The following TYW1 variants were observed in gnomAD, a reference collection of about 807,000 sequenced individuals.
TYW1 encodes S-adenosyl-L-methionine-dependent tRNA 4-demethylwyosine synthase TYW1.
A neutral mutation model predicts 96.2 loss-of-function variants in TYW1; 46 were observed. The observed-to-expected ratio is 0.48, with a 90% confidence interval of 0.38 to 0.61. TYW1 has a LOEUF of 0.61. TYW1 is among the 20% of genes least tolerant of loss of function. TYW1 has a pLI of 0.00. For missense variants in TYW1, 684 were observed against 909.6 expected (o/e 0.75, Z 3.19); for synonymous variants, 274 against 323.0 (o/e 0.85, Z 1.63).
intron 13 of TYW1, among the ~76,000 whole-genome samples, chr7:67,143,357 T>C (rs1430218859): frequency 6.6e-6 from 1 of 152,186 alleles, no homozygotes; most frequent in Non-Finnish European, 1.5e-5. Context: ...GAAAAGGCAT[T>C]CTGCAAGAAG....
chr7:67,078,840 C>T (rs907904934), intron 10 of TYW1, among the ~76,000 whole-genome samples: 3 of 152,078 alleles, frequency 2.0e-5, no homozygotes, highest in African/African-American at 7.2e-5. Context: ...TTATAGATGC[C>T]TGCCACCACG....
intron 15 of TYW1, among the ~76,000 whole-genome samples, chr7:67,208,417 C>T (rs1245443037): frequency 5.3e-5 from 8 of 150,964 alleles, no homozygotes; most frequent in Non-Finnish European, 1.2e-4. Context: ...AACCATCGGG[C>T]GCGGTGGCTT....
intron 13 of TYW1, among the ~76,000 whole-genome samples, chr7:67,149,719 A>AT (rs946879557): frequency 8.6e-6 from 1 of 116,612 alleles, no homozygotes; most frequent in African/African-American, 3.1e-5. Context: ...AAAAGGAAAA[A>AT]AAATATCTAT....
At chr7:67,188,610 A>G (rs1228372340) in intron 14 of TYW1, among the ~76,000 whole-genome samples, 1 of 152,182 alleles carries the variant, frequency 6.6e-6, no homozygotes, top group Non-Finnish European at 1.5e-5. Context: ...TTCACCTTCA[A>G]TGAAAGGATG....
intron 4 of TYW1, among the ~76,000 whole-genome samples, chr7:67,011,128 C>G (rs184530982): frequency 6.6e-6 from 1 of 152,224 alleles, no homozygotes; most frequent in African/African-American, 2.4e-5. Context: ...ACCTCCAACT[C>G]CAGGGTTCAA....
At chr7:67,009,273 T>G (rs1793707951) in intron 3 of TYW1, among the ~76,000 whole-genome samples, 1 of 152,116 alleles carries the variant, frequency 6.6e-6, no homozygotes, top group Non-Finnish European at 1.5e-5. Flanking sequence ...GCTGGGATTA[T>G]AGGCATAAGC....
intron 13 of TYW1, among the ~76,000 whole-genome samples, chr7:67,122,693 T>C (rs955891619): frequency 2.0e-5 from 3 of 152,232 alleles, no homozygotes; most frequent in African/African-American, 7.2e-5. Context: ...TCTGTGATTG[T>C]CATGTTAAAG....
chr7:67,163,131 T>C (rs1473565184), intron 13 of TYW1, among the ~76,000 whole-genome samples: 1 of 152,182 alleles, frequency 6.6e-6, no homozygotes, highest in African/African-American at 2.4e-5. Flanking sequence ...AGGGCACATA[T>C]CATTTTCATA....
intron 10 of TYW1, among the ~76,000 whole-genome samples, chr7:67,077,803 A>G (rs1796250319): frequency 6.6e-6 from 1 of 152,208 alleles, no homozygotes; most frequent in Non-Finnish European, 1.5e-5. Flanking sequence ...AGTTCTATTC[A>G]TAAAATCATT....
intron 7 of TYW1, among the ~76,000 whole-genome samples, chr7:67,048,385 C>T (rs1353625526): frequency 6.7e-6 from 1 of 150,082 alleles, no homozygotes; most frequent in East Asian, 2.0e-4. Flanking sequence ...GTGGTAGGGC[C>T]ACTGCCTGGA....
intron 10 of TYW1, among the ~76,000 whole-genome samples, chr7:67,079,409 C>T (rs896137788): frequency 6.6e-6 from 1 of 151,572 alleles, no homozygotes; most frequent in African/African-American, 2.4e-5. Context: ...TTGGTTATAA[C>T]AGTCTTTAAT....
At chr7:67,029,411 GTGTGTA>G (rs1409928112) in intron 7 of TYW1, among the ~76,000 whole-genome samples, 6 of 106,916 alleles carry the variant, frequency 5.6e-5, no homozygotes, top group South Asian at 2.8e-4. Context: ...GTGTGTGTGT[GTGTGTA>G]TATATATATA....
intron 3 of TYW1, among the ~76,000 whole-genome samples, chr7:67,006,948 CTTT>C (rs34475001): frequency 0.11 from 4,732 of 44,826 alleles, 265 homozygotes; most frequent in Middle Eastern, 0.15. Context: ...AGATGTGAGG[CTTT>C]TTTTTTTTTT....
chr7:67,029,626 G>A (rs1794607281), intron 7 of TYW1, among the ~76,000 whole-genome samples: 1 of 151,726 alleles, frequency 6.6e-6, no homozygotes, highest in Admixed American at 6.6e-5. Flanking sequence ...GAAGTCTCAC[G>A]GCTATCTACT....
Position 67,128,420 on chromosome 7 carries a change from A to G in TYW1, c.1698+10802A>G, listed in dbSNP as rs140062303. 3.6e-3 allele frequency among the ~76,000 whole-genome samples: 552 copies of G among 152,102 alleles called. 1 individual carries two copies. Among genetic ancestry groups the G allele is most frequent in the African/African-American group, 0.011 (450 of 41,486 alleles). On this transcript the variant is annotated intron_variant, in intron 13 of 15. Transcript: ENST00000359626. ...ATTTCGATCTCTGTTTACATTGTCT[A>G]TCTGTTCTTGTGTGCTGTGTACTTT...
chr7:67,109,493 T>C (rs1797338810), intron 12 of TYW1, among the ~76,000 whole-genome samples: 1 of 152,088 alleles, frequency 6.6e-6, no homozygotes, highest in African/African-American at 2.4e-5. Flanking sequence ...GTGAGGAGCA[T>C]ATATTCACGA....
intron 15 of TYW1, among the ~76,000 whole-genome samples, chr7:67,223,164 A>G (rs936364256): frequency 6.6e-6 from 1 of 152,162 alleles, no homozygotes; most frequent in Non-Finnish European, 1.5e-5. Context: ...TGGATCTGCC[A>G]TCTACCCTTT....
At chr7:67,071,769 C>T (rs1223851010) in intron 10 of TYW1, among the ~76,000 whole-genome samples, 10 of 151,862 alleles carry the variant, frequency 6.6e-5, no homozygotes, top group African/African-American at 1.5e-4. Context: ...TGCAGGCGCC[C>T]GCCACCACAC....
At chr7:67,120,162 A>G (rs1454890732) in intron 13 of TYW1, among the ~76,000 whole-genome samples, 3 of 151,882 alleles carry the variant, frequency 2.0e-5, no homozygotes, top group Non-Finnish European at 2.9e-5. Flanking sequence ...GCTCACTGCA[A>G]CGTCTGCCTC....
Sources: allele counts gnomAD v4.1 joint callset (sites outside exome capture counted in the v4.1 genomes callset), GRCh38; gene constraint gnomAD v4.1.1; transcripts MANE v1.5; gene names NCBI Gene and HGNC (gene_info 2026-07-23, HGNC 2026-07-21).